Variants in PRRC2A observed in about 807,000 individuals in gnomAD.
PRRC2A encodes protein PRRC2A.
Under a neutral mutation model 224.6 loss-of-function variants are expected in PRRC2A, and 59 were observed. The observed-to-expected ratio is 0.26, with a 90% confidence interval of 0.21 to 0.33. The LOEUF (loss-of-function observed/expected upper bound fraction) is 0.33. PRRC2A is among the 10% of genes least tolerant of loss of function. The pLI, the probability that PRRC2A is intolerant of heterozygous loss-of-function variation, is 1.00. For synonymous variants in PRRC2A, 1,194 were observed against 1,109.5 expected (o/e 1.08, Z -1.51); for missense variants, 3,095 against 2,880.7 (o/e 1.07, Z -1.70).
chr6:31,625,618 C>G lies in PRRC2A; in HGVS notation c.759+7C>G. ...CGGAATGATGCCGCCTTTCGTGAGT[C>G]TTGGTGTCTTGTCTTGGAACGATTA... On this transcript the variant is annotated splice_region_variant and intron_variant, in intron 7 of 30. Transcript: ENST00000376033. The surrounding 1 kb of genome is among the most constrained non-coding windows in gnomAD (Gnocchi z 4.1). 6.3e-7 allele frequency: 1 copy of G among 1,590,994 alleles called. No individual in the cohort carries two copies. Among genetic ancestry groups the G allele is most frequent in the Non-Finnish European group, 8.6e-7 (1 of 1,167,330 alleles).
At chr6:31,621,395 T>C (rs932555774) in intron 1 of PRRC2A, among the ~76,000 whole-genome samples, 3 of 152,222 alleles carry the variant, frequency 2.0e-5, no homozygotes, top group African/African-American at 7.2e-5. Context: ...GCCCTATGTC[T>C]GCTTTTTCAT....
chr6:31,629,500 C>G (rs1300748367), intron 13 of PRRC2A, 48 bp from the exon 14 acceptor site: 1 of 1,424,160 alleles, frequency 7.0e-7, no homozygotes, highest in Non-Finnish European at 9.9e-7. Context: ...ATTCCTTTGT[C>G]CATGTGTGCT....
rs1777329451 is a variant in PRRC2A at position 31,636,262 on chromosome 6, C to G, written c.5678C>G (p.Ser1893Cys). Residue 1893 changes from serine (S) to cysteine (C), a missense_variant, in exon 26 of 31, where the codon TCT becomes TGT. Physicochemically the swap from Ser to Cys is moderately radical, Grantham distance 112. Around this residue, in one of 8 missense-constraint regions of PRRC2A, gnomAD observed 662 missense variants for 609.5 expected, o/e 1.09. Coordinates refer to ENST00000376033, the MANE Select transcript of PRRC2A (RefSeq NM_004638.4). The surrounding 1 kb of genome is among the most constrained non-coding windows in gnomAD (Gnocchi z 4.3). ...PGPAPPSALL[S>C]GLALKGQFLD... Reference sequence around the variant, plus strand: ...CCAGCCCCTCCCTCAGCACTGCTCTCTGGGTTAGCTCTCAAGGGCCAGTTT... The same window carrying G: ...CCAGCCCCTCCCTCAGCACTGCTCTGTGGGTTAGCTCTCAAGGGCCAGTTT... 6.2e-7 allele frequency: 1 copy of G among 1,613,000 alleles called. No individual in the cohort carries two copies.
rs1777184995 is a variant in PRRC2A at position 31,635,207 on chromosome 6, G to A, written c.5236G>A (p.Glu1746Lys). Residue 1746 changes from glutamate (E) to lysine (K), a missense_variant, in exon 22 of 31, where the codon GAG becomes AAG. Around this residue, in one of 8 missense-constraint regions of PRRC2A, gnomAD observed 662 missense variants for 609.5 expected, o/e 1.09. Coordinates refer to ENST00000376033, the MANE Select transcript of PRRC2A (RefSeq NM_004638.4). Reference protein sequence around the residue: ...ERSQRTDRGTEPGPIRPSHRP... With the variant: ...ERSQRTDRGTKPGPIRPSHRP... ...ATCACAGCGTACAGACCGAGGCACA[G>A]AGCCTGGCCCCATTCGGCCATCCCA... is the stretch of plus-strand genomic sequence containing the variant. 1 of 1,612,910 alleles carries A rather than the reference G, an allele frequency of 6.2e-7. No individual in the cohort carries two copies. The highest frequency in any genetic ancestry group is 8.5e-7 in the Non-Finnish European group (1 of 1,178,870).
intron 15 of PRRC2A, among the ~76,000 whole-genome samples, 161 bp from the exon 16 acceptor site, chr6:31,630,978 C>T (rs1394711209): frequency 1.3e-5 from 2 of 152,128 alleles, no homozygotes; most frequent in African/African-American, 2.4e-5. Context: ...ATTGCTTGAG[C>T]CCAGCAGTTC....
In PRRC2A at chr6:31,628,092, C is replaced by G. The variant is rs1776122747; in HGVS notation, c.1618C>G (p.Pro540Ala). 1 of 1,613,104 alleles carries G rather than the reference C, an allele frequency of 6.2e-7. No individual in the cohort carries two copies. The highest frequency in any genetic ancestry group is 8.5e-7 in the Non-Finnish European group (1 of 1,179,958). ...TCCAGCTCCACCTCCAGCATCAGCC[C>G]CAACACCAGAGACAGAACCTGAAGA... Reference protein sequence around the residue: ...APPAPPPASAPTPETEPEEPA... With the variant: ...APPAPPPASAATPETEPEEPA... The change falls in exon 12 of 31, where the codon CCA becomes GCA. Residue 540 changes from proline to alanine, a missense_variant. Pro to Ala is a conservative substitution (Grantham distance 27). This residue lies in a region of PRRC2A where 2,001 missense variants were observed against 1,764.9 expected (regional missense o/e 1.13). Coordinates refer to ENST00000376033, the MANE Select transcript of PRRC2A (RefSeq NM_004638.4).
In PRRC2A at chr6:31,635,275, C is replaced by CT. The variant is rs1261318159; in HGVS notation, c.5301+4dup. The CT allele has an allele frequency of 6.2e-7, 1 of 1,613,970 alleles. No individual in the cohort carries two copies. The highest frequency in any genetic ancestry group is 1.7e-5 in the Admixed American group (1 of 59,980). On this transcript the variant is annotated splice_donor_region_variant and intron_variant, in intron 22 of 30. Coordinates refer to ENST00000376033, the MANE Select transcript of PRRC2A (RefSeq NM_004638.4). ...TCCAGTTTGGCACTAGTGACAAGGT[C>CT]TGTGTGGGCTGGATCTGGGTATCCT...
chr6:31,623,963 G>A, intron 3 of PRRC2A, 54 bp downstream of exon 3: 2 of 1,586,704 alleles, frequency 1.3e-6, no homozygotes, highest in Non-Finnish European at 1.7e-6. Context: ...TTGAACTTCA[G>A]GGAGCATTGG....
At chr6:31,624,422 T>C (rs749008051) in intron 4 of PRRC2A, 28 bp from the exon 5 acceptor site, 1 of 1,609,566 alleles carries the variant, frequency 6.2e-7, no homozygotes, top group East Asian at 2.2e-5. Context: ...ACCCACATCA[T>C]TTATCATCTT....
chr6:31,632,401 G>A lies in PRRC2A; in HGVS notation c.3728G>A (p.Arg1243Lys). ...GMEDGERPRR[R>K]RHGRAQQQDK... ...GAAGATGGGGAGCGACCCCGAAGGA[G>A]GCGACATGGGAGGGCTCAGCAGCAG... Residue 1243 changes from arginine to lysine, a missense_variant, in exon 16 of 31, where the codon AGG becomes AAG. Physicochemically the swap from Arg to Lys is conservative, Grantham distance 26. Transcript: ENST00000376033. The A allele has an allele frequency of 6.2e-7, 1 of 1,609,976 alleles. No individual in the cohort carries two copies. The highest frequency in any genetic ancestry group is 8.5e-7 in the Non-Finnish European group (1 of 1,177,834).
intron 1 of PRRC2A, among the ~76,000 whole-genome samples, chr6:31,622,183 A>G (rs1351251800): frequency 6.6e-6 from 1 of 152,222 alleles, no homozygotes; most frequent in African/African-American, 2.4e-5. Flanking sequence ...TTAAACTCCC[A>G]GCATACCTTC....
At chr6:31,630,266 G>A (rs1018281597) in intron 14 of PRRC2A, among the ~76,000 whole-genome samples, 4 of 152,208 alleles carry the variant, frequency 2.6e-5, no homozygotes, top group Non-Finnish European at 4.4e-5. Context: ...GTAGTGAGCC[G>A]AGATTGTGCC....
intron 2 of PRRC2A, chr6:31,623,244 A>AG: frequency 1.9e-6 from 1 of 534,640 alleles, no homozygotes; most frequent in Non-Finnish European, 3.5e-6. Context: ...AGCCTTCTTG[A>AG]TAGGGATTTC....
At chr6:31,623,063 G>A (rs772358032) in intron 2 of PRRC2A, 162 bp downstream of exon 2, 2 of 772,878 alleles carry the variant, frequency 2.6e-6, no homozygotes, top group Middle Eastern at 2.2e-4. Context: ...TGTGGGCTCT[G>A]GGTGAACACC....
In PRRC2A at chr6:31,637,742, A is replaced by G. The variant is rs1777738488; in HGVS notation, c.*156A>G. 1 of 453,006 alleles carries G rather than the reference A, an allele frequency of 2.2e-6. No homozygotes were observed. Among genetic ancestry groups the G allele is most frequent in the Non-Finnish European group, 3.8e-6 (1 of 260,746 alleles). 28.1% of individuals were successfully genotyped at this position (453,006 alleles called of 1,614,324 possible). A position where few individuals can be genotyped will look rare whatever the true frequency, so the allele number is the denominator to read the frequency against. Reference sequence around the variant, plus strand: ...CTGTCCCTGGGGCTGTTTGTTAAAAAAGAGTAATAAAAGGATTTAAAAAAA... The same window carrying G: ...CTGTCCCTGGGGCTGTTTGTTAAAAGAGAGTAATAAAAGGATTTAAAAAAA... On this transcript the variant is annotated 3_prime_UTR_variant, in exon 31 of 31. Coordinates refer to ENST00000376033, the MANE Select transcript of PRRC2A (RefSeq NM_004638.4).
chr6:31,631,623 C>T lies in PRRC2A; in HGVS notation c.2950C>T (p.Leu984Phe), dbSNP rs1352272207. 2.0e-6 allele frequency: 3 copies of T among 1,525,278 alleles called. No homozygotes were observed. The highest frequency in any genetic ancestry group is 2.6e-6 in the Non-Finnish European group (3 of 1,139,996). The allele number at this position is 1,525,278 out of a possible 1,614,324, so 94.5% of individuals were successfully genotyped here. A position where few individuals can be genotyped will look rare whatever the true frequency, so the allele number is the denominator to read the frequency against. ...CCCCAAACCCCCAAAGCCAGACCCA[C>T]TCAAGATAACCAAGGGGAAGCTAGG... ...ETPKPPKPDP[L>F]KITKGKLGGP... Residue 984 changes from leucine to phenylalanine, a missense_variant, in exon 16 of 31, where the codon CTC (leucine) becomes TTC (phenylalanine). Physicochemically the swap from Leu to Phe is conservative, Grantham distance 22. Around this residue, in one of 8 missense-constraint regions of PRRC2A, gnomAD observed 2,001 missense variants for 1,764.9 expected, o/e 1.13. Coordinates refer to ENST00000376033, the MANE Select transcript of PRRC2A (RefSeq NM_004638.4). The surrounding 1 kb of genome is among the most constrained non-coding windows in gnomAD (Gnocchi z 4.5).
In PRRC2A at chr6:31,624,356, C is replaced by A; in HGVS notation, c.386C>A (p.Pro129His). Residue 129 changes from proline (P) to histidine (H), a missense_variant, in exon 4 of 31, where the codon CCC becomes CAC. Around this residue, in one of 8 missense-constraint regions of PRRC2A, gnomAD observed 287 missense variants for 275.3 expected, o/e 1.04. Coordinates refer to ENST00000376033, the MANE Select transcript of PRRC2A (RefSeq NM_004638.4). ...CAGCCGAAACGACCCCCAGCAGCCC[C>A]CGAGGTACCTGGAGAACTGGAGGGG... ...SNQPKRPPAA[P>H]ENTPLVPSGV... The A allele has an allele frequency of 6.2e-7, 1 of 1,613,934 alleles. No individual in the cohort carries two copies. The highest frequency in any genetic ancestry group is 8.5e-7 in the Non-Finnish European group (1 of 1,179,830).
rs1185307743 is a variant in PRRC2A, at chr6:31,632,187, CGAG to C, written c.3522_3524del (p.Gly1175del). ...CAGAGGGGTGCCATCTCGCCGGGGCCGAGGAGGAGGGAGGCCCCCTCCTCAAGT... is the reference window on the plus strand; with the variant it reads ...CAGAGGGGTGCCATCTCGCCGGGGCCGAGGAGGGAGGCCCCCTCCTCAAGT... On this transcript the variant is annotated inframe_deletion, in exon 16 of 31. Coordinates refer to ENST00000376033, the MANE Select transcript of PRRC2A (RefSeq NM_004638.4). 1 of 1,601,226 alleles carries C rather than the reference CGAG, an allele frequency of 6.2e-7. No individual in the cohort carries two copies. The highest frequency in any genetic ancestry group is 8.5e-7 in the Non-Finnish European group (1 of 1,174,408).
intron 5 of PRRC2A, 41 bp downstream of exon 5, chr6:31,624,563 A>G: frequency 6.4e-7 from 1 of 1,561,164 alleles, no homozygotes; most frequent in Non-Finnish European, 8.8e-7. Flanking sequence ...TCTGGGCACC[A>G]TGGGATGCAT....
Sources: gnomAD v4.1 joint callset for allele counts (sites outside exome capture counted in the v4.1 genomes callset) on GRCh38, gnomAD v4.1.1 for gene constraint, gnomAD v4.1.1 regional missense constraint, Gnocchi (gnomAD v3.1) non-coding constraint, MANE v1.5 for transcripts, NCBI Gene and HGNC (gene_info 2026-07-23, HGNC 2026-07-21) for gene names.